The following GAS2 variants were observed in gnomAD, a reference collection of about 807,000 sequenced individuals.
GAS2 encodes growth arrest specific 2, also known as growth arrest-specific protein 2.
A neutral mutation model predicts 37.5 loss-of-function variants in GAS2; 20 were observed. The ratio of observed to expected loss-of-function variants is 0.53; its 90% CI spans 0.37 to 0.77. The LOEUF is 0.77. GAS2 is among the 30% of genes least tolerant of loss of function. The pLI is 0.00. For synonymous variants in GAS2, 144 were observed against 132.2 expected, an observed-to-expected ratio of 1.09 and a Z score of -0.61; for missense variants, 336 against 373.4, an observed-to-expected ratio of 0.90 and a Z score of 0.82.
chr11:22,767,391 C>T (rs1275716292), intron 7 of GAS2, among the ~76,000 whole-genome samples: 1 of 151,922 alleles, frequency 6.6e-6, no homozygotes, highest in Non-Finnish European at 1.5e-5. Context: ...AATAGTTCTT[C>T]ACTGTGTTTT....
chr11:22,662,994 G>A (rs6483872), upstream of GAS2, among the ~76,000 whole-genome samples: 43,957 of 152,092 alleles, frequency 0.29, 7,588 homozygotes, highest in African/African-American at 0.48. Context: ...AAGAAAAGAG[G>A]TTTAATTGAC....
At chr11:22,733,257 A>G (rs1049723958) in intron 4 of GAS2, among the ~76,000 whole-genome samples, 1 of 151,714 alleles carries the variant, frequency 6.6e-6, no homozygotes, top group Non-Finnish European at 1.5e-5. Flanking sequence ...TATTTCTTCT[A>G]CTATACCACT....
At chr11:22,669,926 G>A (rs1486412606) in intron 1 of GAS2, among the ~76,000 whole-genome samples, 1 of 152,044 alleles carries the variant, frequency 6.6e-6, no homozygotes, top group African/African-American at 2.4e-5. Context: ...CATGACATTG[G>A]TTGAAAATGT....
Position 22,713,569 on chromosome 11 carries a change from A to G in GAS2, c.268-12723A>G, listed in dbSNP as rs145988059. 3.6e-3 allele frequency among the ~76,000 whole-genome samples: 551 copies of G among 152,282 alleles called. 5 individuals are homozygous for G. The highest frequency in any genetic ancestry group is 0.014 in the Middle Eastern group (4 of 294). On this transcript the variant is annotated intron_variant, in intron 3 of 7. Coordinates refer to ENST00000454584, the MANE Select transcript of GAS2 (RefSeq NM_001143830.3). The stretch of plus-strand genomic sequence containing the variant: ...AACTTACATAGTCATCAAGTTATCT[A>G]AAGTCAAGATGAAGGAAAGAATCTT...
intron 7 of GAS2, among the ~76,000 whole-genome samples, chr11:22,800,614 G>C (rs1186038683): frequency 1.3e-5 from 2 of 152,010 alleles, no homozygotes; most frequent in Non-Finnish European, 2.9e-5. Context: ...AGATACTCCT[G>C]CTGCCCTCAG....
At chr11:22,781,303 C>T (rs1241287998) in intron 7 of GAS2, among the ~76,000 whole-genome samples, 3 of 152,150 alleles carry the variant, frequency 2.0e-5, no homozygotes, top group Non-Finnish European at 4.4e-5. Context: ...CCCTTCAGAA[C>T]TAGGCCACGT....
At chr11:22,776,548 G>A (rs537185562) in intron 7 of GAS2, among the ~76,000 whole-genome samples, 9 of 152,228 alleles carry the variant, frequency 5.9e-5, no homozygotes, top group African/African-American at 1.9e-4. Context: ...ATCAGTGTCC[G>A]AGTGATTAAA....
chr11:22,702,272 C>T (rs1850879924), intron 3 of GAS2: 1 of 152,118 alleles, frequency 6.6e-6, no homozygotes, highest in African/African-American at 2.4e-5. Context: ...GTCTCTCACA[C>T]TTTTGATATA....
chr11:22,720,195 C>T (rs1851880889), intron 3 of GAS2, among the ~76,000 whole-genome samples: 1 of 151,998 alleles, frequency 6.6e-6, no homozygotes, highest in African/African-American at 2.4e-5. Flanking sequence ...ATTCCTATGG[C>T]ATTACAGCAT....
At chr11:22,680,876 G>A (rs1849648778) in intron 2 of GAS2, among the ~76,000 whole-genome samples, 1 of 152,146 alleles carries the variant, frequency 6.6e-6, no homozygotes, top group African/African-American at 2.4e-5. Context: ...TTGCCAAAGA[G>A]CCAAGTTCCT....
intron 3 of GAS2, among the ~76,000 whole-genome samples, chr11:22,721,353 A>G (rs1232070900): frequency 3.3e-5 from 5 of 152,060 alleles, no homozygotes; most frequent in African/African-American, 1.2e-4. Context: ...AGAATTAGTT[A>G]TGAATGCGCT....
intron 5 of GAS2, 127 bp downstream of exon 5, chr11:22,737,895 T>C (rs1435850606): frequency 1.2e-6 from 1 of 807,590 alleles, no homozygotes; most frequent in Non-Finnish European, 2.1e-6. Context: ...TTCACGATGA[T>C]AATATGAACT....
chr11:22,739,761 A>G (rs749819359), intron 5 of GAS2, among the ~76,000 whole-genome samples: 12 of 151,970 alleles, frequency 7.9e-5, no homozygotes, highest in Non-Finnish European at 1.2e-4. Flanking sequence ...TGACTATCAC[A>G]TTAGAATACT....
chr11:22,709,097 TG>T (rs1323625836), intron 3 of GAS2, among the ~76,000 whole-genome samples: 2 of 152,018 alleles, frequency 1.3e-5, no homozygotes, highest in African/African-American at 4.8e-5. Context: ...CTAAAAGCAC[TG>T]GGAAGTCATT....
chr11:22,737,826 A>G (rs1852837031), intron 5 of GAS2, 58 bp downstream of exon 5: 4 of 1,469,732 alleles, frequency 2.7e-6, no homozygotes, highest in Non-Finnish European at 3.8e-6. Context: ...TCCAAGCAAC[A>G]CAGAAGCTTG....
At chr11:22,753,105 A>T (rs1294955859) in intron 6 of GAS2, among the ~76,000 whole-genome samples, 1 of 152,066 alleles carries the variant, frequency 6.6e-6, no homozygotes, top group Non-Finnish European at 1.5e-5. Flanking sequence ...TCTGGGGATG[A>T]GAGATAGTAT....
chr11:22,672,694 A>C (rs1849252287), intron 1 of GAS2: 1 of 152,200 alleles, frequency 6.6e-6, no homozygotes, highest in Non-Finnish European at 1.5e-5. Flanking sequence ...GATTTCAATT[A>C]GTTATTTAAG....
intron 3 of GAS2, among the ~76,000 whole-genome samples, chr11:22,714,030 C>A (rs1851543583): frequency 6.6e-6 from 1 of 152,114 alleles, no homozygotes; most frequent in Non-Finnish European, 1.5e-5. Flanking sequence ...TATGTCACAT[C>A]TGAATACTAA....
chr11:22,700,920 T>C (rs1340542104), intron 3 of GAS2, among the ~76,000 whole-genome samples: 1 of 152,192 alleles, frequency 6.6e-6, no homozygotes, highest in Non-Finnish European at 1.5e-5. Flanking sequence ...AGAGGAGACA[T>C]AAAGATGAAA....
Sources: allele counts gnomAD v4.1 joint callset (sites outside exome capture counted in the v4.1 genomes callset), GRCh38; gene constraint gnomAD v4.1.1; transcripts MANE v1.5; gene names NCBI Gene and HGNC (gene_info 2026-07-23, HGNC 2026-07-21).